Variants in RGS7 observed in about 807,000 individuals in gnomAD.
RGS7 encodes the protein regulator of G-protein signaling 7.
Under a neutral mutation model 81.1 loss-of-function variants are expected in RGS7, and 27 were observed. The ratio of observed to expected loss-of-function variants is 0.33; its 90% confidence interval spans 0.25 to 0.46. RGS7 has a LOEUF of 0.46. Ranked by LOEUF, RGS7 falls within the 20% of genes least tolerant of loss-of-function variation. The probability of loss-of-function intolerance (pLI) is 1.00; values close to 1 mark genes in which losing one functional copy is unlikely to be tolerated. For missense variants in RGS7, 396 were observed against 607.4 expected (o/e 0.65, Z 3.66); for synonymous variants, 208 against 207.7 (o/e 1.00, Z -0.01).
At chr1:241,088,039 CACACATATATATATAT>C (rs1558698357) in intron 3 of RGS7, among the ~76,000 whole-genome samples, 22 of 90,326 alleles carry the variant, frequency 2.4e-4, no homozygotes, top group Non-Finnish European at 3.9e-4. Context: ...TATATATATA[CACACATATATATATAT>C]ACACACACAC....
At chr1:241,162,971 T>C (rs1020809980) in intron 2 of RGS7, among the ~76,000 whole-genome samples, 19 of 152,156 alleles carry the variant, frequency 1.2e-4, no homozygotes, top group Admixed American at 4.6e-4. Context: ...GTTGGCACAT[T>C]GGAAATGACA....
intron 9 of RGS7, among the ~76,000 whole-genome samples, chr1:240,856,756 A>G (rs1281570260): frequency 6.6e-6 from 1 of 152,196 alleles, no homozygotes. Flanking sequence ...GCATGTATCA[A>G]TTCTCATCCA....
intron 2 of RGS7, among the ~76,000 whole-genome samples, chr1:241,213,422 C>T (rs1265447953): frequency 3.3e-5 from 5 of 152,176 alleles, no homozygotes; most frequent in Non-Finnish European, 7.4e-5. Context: ...GAACTGGAAA[C>T]GGCAGAACGT....
intron 2 of RGS7, among the ~76,000 whole-genome samples, chr1:241,327,375 T>G (rs1458010430): frequency 6.6e-6 from 1 of 152,178 alleles, no homozygotes; most frequent in Non-Finnish European, 1.5e-5. Flanking sequence ...ATTGCAATGA[T>G]GAAGGCAATG....
At position 241,115,059 on chromosome 1, in the gene RGS7, CTG is replaced by C. The variant is rs2065797016; in HGVS notation, c.79-16299_79-16298del. ...CAAGCTTTACAGAAAAGAAAACAAA[CTG>C]TAACCAATCATTACATTGCTGTAAC... On this transcript the variant is annotated intron_variant, in intron 2 of 18. Transcript: ENST00000440928. 2.0e-5 allele frequency among the ~76,000 whole-genome samples: 3 copies of C among 152,322 alleles called. No individual in the cohort carries two copies. The South Asian group carries it at 6.2e-4, about 32-fold the overall frequency.
At position 240,827,131 on chromosome 1, in the gene RGS7, T is replaced by A. The variant is rs1692973762; in HGVS notation, c.651A>T (p.Ser217=). The A allele has an allele frequency of 6.2e-7, 1 of 1,614,016 alleles. No homozygotes were observed. The highest frequency in any genetic ancestry group is 8.5e-7 in the Non-Finnish European group (1 of 1,179,840). ...TTTTGTGGGGGTTTCTCATTCTGGA[T>A]GACTTCTTAATGTCCACTTCAGTTG... is the stretch of plus-strand genomic sequence containing the variant. The part of the protein sequence containing the change: ...VNTTEVDIKK[S]SRMRNPHKTR... The change falls in exon 10 of 19, where the codon TCA becomes TCT. Residue 217 remains serine, a synonymous_variant. Coordinates refer to ENST00000440928, the MANE Select transcript of RGS7 (RefSeq NM_001364886.1).
intron 2 of RGS7, among the ~76,000 whole-genome samples, chr1:241,327,080 GAGA>G (rs2081590994): frequency 1.2e-3 from 58 of 49,356 alleles, no homozygotes; most frequent in African/African-American, 4.5e-3. Flanking sequence ...AAGGAAGGAA[GAGA>G]AAGAAAGAAA....
intron 9 of RGS7, among the ~76,000 whole-genome samples, chr1:240,863,155 C>G (rs1050144614): frequency 6.6e-6 from 1 of 152,170 alleles, no homozygotes; most frequent in African/African-American, 2.4e-5. Flanking sequence ...CTATGTCGCC[C>G]AGGCTTAAAT....
At chr1:241,189,916 C>CATACGGGCTAA (rs1558171073) in intron 2 of RGS7, among the ~76,000 whole-genome samples, 58 of 151,768 alleles carry the variant, frequency 3.8e-4, no homozygotes, top group African/African-American at 1.1e-3. Flanking sequence ...GAGATCGAGC[C>CATACGGGCTAA]CACGGTGAAA....
chr1:241,125,866 T>C (rs973726155), intron 2 of RGS7, among the ~76,000 whole-genome samples: 1 of 152,164 alleles, frequency 6.6e-6, no homozygotes, highest in African/African-American at 2.4e-5. Context: ...GAAAGTGCTT[T>C]CAGACATTAT....
Position 240,934,941 on chromosome 1 carries a change from T to G in RGS7, c.333+1659A>C, listed in dbSNP as rs369932377. On this transcript the variant is annotated intron_variant, in intron 5 of 18. Transcript: ENST00000440928. ...TCTCGCTCTGTCGCCCAGGCTGGAG[T>G]GCAGTGGCACAATCTCGGCTCACTG... 3.6e-5 allele frequency among the ~76,000 whole-genome samples: 5 copies of G among 139,336 alleles called. No individual in the cohort carries two copies. In the South Asian group the frequency reaches 6.8e-4, roughly 19 times the overall value. 91.4% of individuals were successfully genotyped at this position (139,336 alleles called of 152,430 possible).
At chr1:241,065,060 A>C (rs2061980388) in intron 3 of RGS7, among the ~76,000 whole-genome samples, 1 of 152,120 alleles carries the variant, frequency 6.6e-6, no homozygotes, top group Non-Finnish European at 1.5e-5. Flanking sequence ...TGGATTTTAG[A>C]ATCGGGAAGA....
chr1:241,074,106 G>A (rs980838585), intron 3 of RGS7, among the ~76,000 whole-genome samples: 2 of 151,980 alleles, frequency 1.3e-5, no homozygotes, highest in African/African-American at 4.8e-5. Context: ...TTGCCATGTT[G>A]GCCAGGCTGG....
chr1:240,871,399 G>A (rs370166941), intron 6 of RGS7, among the ~76,000 whole-genome samples: 3 of 152,040 alleles, frequency 2.0e-5, no homozygotes, highest in Admixed American at 6.6e-5. Context: ...ATTTAAGACC[G>A]GTGCAAACAG....
At chr1:241,056,146 C>G (rs944887812) in intron 3 of RGS7, among the ~76,000 whole-genome samples, 3 of 152,204 alleles carry the variant, frequency 2.0e-5, no homozygotes, top group Non-Finnish European at 4.4e-5. Flanking sequence ...AACATTCACT[C>G]TAGCCCTCAG....
chr1:240,872,451 T>C (rs1664661561), intron 6 of RGS7, among the ~76,000 whole-genome samples: 1 of 152,006 alleles, frequency 6.6e-6, no homozygotes, highest in Admixed American at 6.6e-5. Flanking sequence ...AGAGCAAGAC[T>C]CTGTCTCTTA....
At chr1:241,343,430 T>C (rs1573768170) in intron 2 of RGS7, among the ~76,000 whole-genome samples, 2 of 152,312 alleles carry the variant, frequency 1.3e-5, no homozygotes, top group Middle Eastern at 6.8e-3. Context: ...CAACTGCCCA[T>C]TGTTAAATGA....
At chr1:241,324,301 A>T (rs2081368957) in intron 2 of RGS7, among the ~76,000 whole-genome samples, 1 of 152,104 alleles carries the variant, frequency 6.6e-6, no homozygotes, top group African/African-American at 2.4e-5. Context: ...TGCCTTGGAG[A>T]CAGTTTGGGA....
At chr1:240,817,827 T>A (rs894853920) in intron 10 of RGS7, among the ~76,000 whole-genome samples, 5 of 152,220 alleles carry the variant, frequency 3.3e-5, no homozygotes, top group African/African-American at 1.2e-4. Flanking sequence ...GGTCTTGAAC[T>A]CCTGACCTCA....
Sources: allele counts gnomAD v4.1 joint callset (sites outside exome capture counted in the v4.1 genomes callset), GRCh38; gene constraint gnomAD v4.1.1; transcripts MANE v1.5; gene names NCBI Gene and HGNC (gene_info 2026-07-23, HGNC 2026-07-21).